The following PRPSAP2 variants were observed in gnomAD, a reference collection of about 807,000 sequenced individuals.
The protein encoded by PRPSAP2 is phosphoribosyl pyrophosphate synthetase associated protein 2.
In PRPSAP2, 24 loss-of-function variants were observed where a neutral mutation model predicts 40.6. The observed-to-expected ratio is 0.59, with a 90% CI of 0.43 to 0.83. The LOEUF (loss-of-function observed/expected upper bound fraction) is 0.83. Ranked by LOEUF, PRPSAP2 falls within the 40% of genes least tolerant of loss-of-function variation. The probability of loss-of-function intolerance (pLI) is 0.00; values close to 1 mark genes in which losing one functional copy is unlikely to be tolerated. For synonymous variants in PRPSAP2, 149 were observed against 164.7 expected, an observed-to-expected ratio of 0.90 and a Z score of 0.73; for missense variants, 292 against 465.6, an observed-to-expected ratio of 0.63 and a Z score of 3.43.
intron 2 of PRPSAP2, 51 bp downstream of exon 2, chr17:18,865,615 T>C (rs1049728939): frequency 6.3e-5 from 15 of 237,522 alleles, no homozygotes; most frequent in Admixed American, 1.7e-4. Flanking sequence ...TGATAATGTA[T>C]TTCCATAAAT....
chr17:18,865,741 AATTC>A (rs1475079446), intron 2 of PRPSAP2, 57 bp from the exon 3 acceptor site: 25 of 1,130,088 alleles, frequency 2.2e-5, no homozygotes, highest in Middle Eastern at 3.0e-4. Context: ...CTTTAAAAAA[AATTC>A]ATTCAGGTAT....
At chr17:18,917,575 A>ATTTTTTTTTTTTTTTTTT (rs2041407701) in intron 9 of PRPSAP2, 1 of 33,074 alleles carries the variant, frequency 3.0e-5, no homozygotes, top group Non-Finnish European at 5.9e-5. Context: ...TATTATTATT[A>ATTTTTTTTTTTTTTTTTT]TTATTATTAT....
chr17:18,924,823 T>A (rs1289154200), intron 10 of PRPSAP2, among the ~76,000 whole-genome samples: 1 of 144,576 alleles, frequency 6.9e-6, no homozygotes, highest in Non-Finnish European at 1.5e-5. Context: ...TGTTCTGTGA[T>A]CAAAGTAAAG....
chr17:18,922,070 A>T (rs919302980), intron 9 of PRPSAP2, among the ~76,000 whole-genome samples: 2 of 152,228 alleles, frequency 1.3e-5, no homozygotes, highest in Admixed American at 1.3e-4. Flanking sequence ...ATATAAACGG[A>T]ATCATATAAT....
upstream of PRPSAP2, among the ~76,000 whole-genome samples, chr17:18,856,974 A>G (rs1035983045): frequency 2.6e-5 from 4 of 152,202 alleles, no homozygotes; most frequent in African/African-American, 9.7e-5. Context: ...AACTTAGGCA[A>G]TGGATACCAA....
intron 6 of PRPSAP2, among the ~76,000 whole-genome samples, chr17:18,879,794 C>T (rs975112548): frequency 1.3e-4 from 19 of 150,796 alleles, no homozygotes; most frequent in South Asian, 4.3e-4. Flanking sequence ...TAAAGGCAAA[C>T]GTAAAACAAA....
Position 18,930,524 on chromosome 17 carries a change from T to A in PRPSAP2, c.952-16T>A. 6.2e-7 allele frequency: 1 copy of A among 1,604,968 alleles called. No individual in the cohort carries two copies. Among genetic ancestry groups the A allele is most frequent in the Admixed American group, 1.7e-5 (1 of 58,242 alleles). ...TGGCTTTCTGATGCTGTGGTTTTTT[T>A]TCTTTTGCTTCACAGGTGGTGGTCA... On this transcript the variant is annotated splice_polypyrimidine_tract_variant and intron_variant, in intron 11 of 11. Coordinates refer to ENST00000268835, the MANE Select transcript of PRPSAP2 (RefSeq NM_002767.4).
chr17:18,878,686 T>C (rs1381855195), intron 6 of PRPSAP2, among the ~76,000 whole-genome samples: 2 of 152,018 alleles, frequency 1.3e-5, no homozygotes, highest in African/African-American at 2.4e-5. Flanking sequence ...GCCTCCCAAG[T>C]AGCTGGGATT....
chr17:18,910,598 G>A (rs965232885), intron 8 of PRPSAP2, among the ~76,000 whole-genome samples: 2 of 152,166 alleles, frequency 1.3e-5, no homozygotes, highest in African/African-American at 4.8e-5. Flanking sequence ...TATCTTGATT[G>A]TGCTAATGCT....
In PRPSAP2 at chr17:18,865,929, G is replaced by A. The variant is rs1333128058; in HGVS notation, c.96G>A (p.Met32Ile). The A allele has an allele frequency of 2.0e-6, 3 of 1,476,824 alleles. No individual in the cohort carries two copies. Among genetic ancestry groups the A allele is most frequent in the African/African-American group, 1.4e-5 (1 of 71,914 alleles). 91.5% of individuals were successfully genotyped at this position (1,476,824 alleles called of 1,614,324 possible). The change falls in exon 3 of 12, where the codon ATG (methionine) becomes ATA (isoleucine). Residue 32 changes from methionine (M) to isoleucine (I), a missense_variant. Physicochemically the swap from Met to Ile is conservative, Grantham distance 10. Coordinates refer to ENST00000268835, the MANE Select transcript of PRPSAP2 (RefSeq NM_002767.4). ...LFSANSNSSCMELSKKIAERL... is the reference protein window; with the variant it reads ...LFSANSNSSCIELSKKIAERL... ...CAGCAAACTCGAATTCATCATGTATGGAGCTATCAAAGAAAATTGCAGAGT... is the reference window on the plus strand; with the variant it reads ...CAGCAAACTCGAATTCATCATGTATAGAGCTATCAAAGAAAATTGCAGAGT...
At chr17:18,890,829 AGTTATTTGTATAT>A (rs2039502302) in intron 8 of PRPSAP2, among the ~76,000 whole-genome samples, 3 of 152,234 alleles carry the variant, frequency 2.0e-5, no homozygotes, top group African/African-American at 2.4e-5. Flanking sequence ...CTGAGAGGCC[AGTTATTTGTATAT>A]GTTAAAGGTG....
In PRPSAP2 at chr17:18,911,373, T is replaced by G. The variant is rs2040950309; in HGVS notation, c.733+122T>G. 9 of 1,204,788 alleles carry G rather than the reference T, an allele frequency of 7.5e-6. No individual in the cohort carries two copies. The highest frequency in any genetic ancestry group is 2.1e-4 in the Middle Eastern group (1 of 4,788). 74.6% of individuals were successfully genotyped at this position (1,204,788 alleles called of 1,614,324 possible). A position where few individuals can be genotyped will look rare whatever the true frequency, so the allele number is the denominator to read the frequency against. On this transcript the variant is annotated intron_variant, in intron 9 of 11. Transcript: ENST00000268835. The surrounding 1 kb of genome is among the most constrained non-coding windows in gnomAD (Gnocchi z 4.5). ...TAGTTGGCAAAAACTCATTAACACC[T>G]TTCTTGGCCAGATAGTAGCGAATGC...
intron 9 of PRPSAP2, among the ~76,000 whole-genome samples, chr17:18,922,059 C>T (rs572433724): frequency 1.3e-5 from 2 of 152,332 alleles, no homozygotes; most frequent in East Asian, 3.9e-4. Context: ...CTGGACACTT[C>T]ATATAAACGG....
Position 18,867,345 on chromosome 17 carries a change from T to C in PRPSAP2, c.172+11T>C. ...AGGAACCTAACAGAGGTGAGCTATC[T>C]TGGGCATGTGGAACATTGACCTTTT... On this transcript the variant is annotated intron_variant, in intron 4 of 11. Transcript: ENST00000268835. 1 of 1,614,022 alleles carries C rather than the reference T, an allele frequency of 6.2e-7. No individual in the cohort carries two copies. The highest frequency in any genetic ancestry group is 2.2e-5 in the East Asian group (1 of 44,888).
At chr17:18,920,505 T>A (rs1002843790) in intron 9 of PRPSAP2, among the ~76,000 whole-genome samples, 13 of 152,316 alleles carry the variant, frequency 8.5e-5, no homozygotes, top group African/African-American at 3.1e-4. Context: ...AATTTTAGTT[T>A]CATAGATCCT....
intron 11 of PRPSAP2, 77 bp downstream of exon 11, chr17:18,929,034 G>A: frequency 6.5e-7 from 1 of 1,533,418 alleles, no homozygotes; most frequent in Non-Finnish European, 8.8e-7. Flanking sequence ...CAGAGAGTCA[G>A]GACAAGACTG....
intron 6 of PRPSAP2, among the ~76,000 whole-genome samples, chr17:18,878,785 G>A (rs1235598084): frequency 2.0e-5 from 3 of 152,090 alleles, no homozygotes; most frequent in African/African-American, 7.2e-5. Context: ...TCAAACTCCC[G>A]ACCCCGCCTC....
chr17:18,926,482 T>C lies in PRPSAP2; in HGVS notation c.805-2329T>C, dbSNP rs149128528. On this transcript the variant is annotated intron_variant, in intron 10 of 11. Transcript: ENST00000268835. Reference sequence around the variant, plus strand: ...CGGGGTTTCACCATATTCACCAGGCTGGTTTCGAACTCCTGACCTCGTGAT... The same window carrying C: ...CGGGGTTTCACCATATTCACCAGGCCGGTTTCGAACTCCTGACCTCGTGAT... Among the ~76,000 whole-genome samples, 466 of 152,156 alleles carry C rather than the reference T, an allele frequency of 3.1e-3. 3 individuals are homozygous for C. The highest frequency in any genetic ancestry group is 1.5e-3 in the Non-Finnish European group (104 of 67,998).
chr17:18,868,524 A>G (rs1266387838), intron 4 of PRPSAP2, among the ~76,000 whole-genome samples: 3 of 151,842 alleles, frequency 2.0e-5, no homozygotes, highest in Non-Finnish European at 4.4e-5. Context: ...GGAGCGATGG[A>G]CAGCTTGCAT....
Sources: gnomAD v4.1 joint callset for allele counts (sites outside exome capture counted in the v4.1 genomes callset) on GRCh38, gnomAD v4.1.1 for gene constraint, Gnocchi (gnomAD v3.1) non-coding constraint, MANE v1.5 for transcripts, NCBI Gene and HGNC (gene_info 2026-07-23, HGNC 2026-07-21) for gene names.